Variants in UNC5D observed in about 807,000 individuals in gnomAD.
UNC5D encodes netrin receptor UNC5D.
A neutral mutation model predicts 105.4 loss-of-function variants in UNC5D; 39 were observed. The ratio of observed to expected loss-of-function variants is 0.37; its 90% CI spans 0.29 to 0.48. The LOEUF (loss-of-function observed/expected upper bound fraction) is 0.48. Ranked by LOEUF, UNC5D falls within the 20% of genes least tolerant of loss-of-function variation. The pLI, the probability that UNC5D is intolerant of heterozygous loss-of-function variation, is 0.98. For synonymous variants in UNC5D, 452 were observed against 450.4 expected, an observed-to-expected ratio of 1.00 and a Z score of -0.04; for missense variants, 991 against 1,202.4, an observed-to-expected ratio of 0.82 and a Z score of 2.60.
chr8:35,495,458 C>CAAAAAAAAAAAAAAAAAAAAAAAAAAA, intron 1 of UNC5D, among the ~76,000 whole-genome samples: 1 of 44,630 alleles, frequency 2.2e-5, no homozygotes, highest in Non-Finnish European at 3.8e-5. Flanking sequence ...ACAACAACAA[C>CAAAAAAAAAAAAAAAAAAAAAAAAAAA]AAAAAAAAAA....
intron 11 of UNC5D, among the ~76,000 whole-genome samples, chr8:35,735,053 C>T (rs548310650): frequency 2.2e-4 from 34 of 152,292 alleles, no homozygotes; most frequent in African/African-American, 7.5e-4. Flanking sequence ...GCTGGGATTA[C>T]AGGCATAAAC....
intron 4 of UNC5D, among the ~76,000 whole-genome samples, chr8:35,662,547 T>C (rs1213542914): frequency 6.6e-6 from 1 of 152,056 alleles, no homozygotes; most frequent in Non-Finnish European, 1.5e-5. Flanking sequence ...GTCGTACAGT[T>C]CCAGGATCAT....
intron 8 of UNC5D, among the ~76,000 whole-genome samples, chr8:35,716,840 G>C (rs1828274655): frequency 6.6e-6 from 1 of 151,890 alleles, no homozygotes; most frequent in Non-Finnish European, 1.5e-5. Context: ...CAAATTAAAG[G>C]AAAAAAAATG....
chr8:35,236,978 C>T (rs1325296339), intron 1 of UNC5D, among the ~76,000 whole-genome samples: 1 of 152,054 alleles, frequency 6.6e-6, no homozygotes, highest in Non-Finnish European at 1.5e-5. Flanking sequence ...CCTGAACATG[C>T]TCCGACCAGC....
intron 1 of UNC5D, among the ~76,000 whole-genome samples, chr8:35,258,304 C>A (rs945498800): frequency 6.6e-6 from 1 of 152,232 alleles, no homozygotes; most frequent in Non-Finnish European, 1.5e-5. Context: ...AAGTCTCCAC[C>A]TCTTCATATG....
chr8:35,515,405 C>T (rs1241666715), intron 1 of UNC5D, among the ~76,000 whole-genome samples: 1 of 152,186 alleles, frequency 6.6e-6, no homozygotes, highest in East Asian at 1.9e-4. Context: ...AGATTTAGGG[C>T]TGGGTGTGGT....
intron 1 of UNC5D, among the ~76,000 whole-genome samples, chr8:35,411,823 A>C (rs77964811): frequency 0.015 from 2,223 of 152,134 alleles, 71 homozygotes; most frequent in African/African-American, 0.051. Flanking sequence ...GGAAGTACCC[A>C]GAATGGTCCT....
At chr8:35,285,961 CG>C (rs1806564177) in intron 1 of UNC5D, among the ~76,000 whole-genome samples, 1 of 139,152 alleles carries the variant, frequency 7.2e-6, no homozygotes, top group Non-Finnish European at 1.6e-5. Context: ...ACATTAGAAA[CG>C]TAAGTCACAG....
intron 4 of UNC5D, among the ~76,000 whole-genome samples, chr8:35,656,859 C>G (rs1823767935): frequency 6.6e-6 from 1 of 151,858 alleles, no homozygotes; most frequent in South Asian, 2.1e-4. Flanking sequence ...CATATGCCTT[C>G]TCAGTCTTTC....
At chr8:35,783,915 C>T (rs1802620276) in intron 16 of UNC5D, among the ~76,000 whole-genome samples, 1 of 152,074 alleles carries the variant, frequency 6.6e-6, no homozygotes, top group Non-Finnish European at 1.5e-5. Flanking sequence ...TCCAAAAATC[C>T]TCAAATCTAA....
chr8:35,765,179 TC>T (rs1416515395), intron 14 of UNC5D, among the ~76,000 whole-genome samples: 2 of 152,166 alleles, frequency 1.3e-5, no homozygotes, highest in Non-Finnish European at 2.9e-5. Context: ...CTTCTGCGTT[TC>T]CTCTCCCTTC....
intron 4 of UNC5D, among the ~76,000 whole-genome samples, chr8:35,624,067 G>A (rs766327270): frequency 1.3e-5 from 2 of 151,960 alleles, no homozygotes; most frequent in Non-Finnish European, 2.9e-5. Flanking sequence ...GCGACACAGC[G>A]AGACTCCACC....
chr8:35,321,482 T>C (rs150283568), intron 1 of UNC5D, among the ~76,000 whole-genome samples: 109 of 152,258 alleles, frequency 7.2e-4, no homozygotes, highest in Admixed American at 4.1e-3. Context: ...TCTGCTGCCT[T>C]GTGGAGGAGG....
chr8:35,721,306 A>G (rs1828568605), intron 8 of UNC5D: 5 of 645,722 alleles, frequency 7.7e-6, no homozygotes, highest in African/African-American at 3.6e-5. Flanking sequence ...AGGAGCCATC[A>G]TGGATCTGCT....
At chr8:35,509,760 G>A (rs1218765977) in intron 1 of UNC5D, among the ~76,000 whole-genome samples, 2 of 151,854 alleles carry the variant, frequency 1.3e-5, no homozygotes, top group Non-Finnish European at 2.9e-5. Flanking sequence ...TTGGTGTCCT[G>A]TAATTCAGAT....
At chr8:35,488,147 C>T (rs930420578) in intron 1 of UNC5D, among the ~76,000 whole-genome samples, 1 of 152,032 alleles carries the variant, frequency 6.6e-6, no homozygotes, top group Non-Finnish European at 1.5e-5. Flanking sequence ...GAGAGCATAC[C>T]AAAGGTGGTG....
intron 1 of UNC5D, among the ~76,000 whole-genome samples, chr8:35,375,383 A>G (rs757710805): frequency 2.6e-5 from 4 of 152,158 alleles, no homozygotes; most frequent in Non-Finnish European, 4.4e-5. Context: ...GGAAGGAGAG[A>G]GAAGAAAAAG....
intron 3 of UNC5D, among the ~76,000 whole-genome samples, chr8:35,592,080 T>G (rs2130886781): frequency 6.6e-6 from 1 of 152,352 alleles, no homozygotes; most frequent in Non-Finnish European, 1.5e-5. Flanking sequence ...TGACTGATGC[T>G]GCCTGTCTTG....
intron 11 of UNC5D, among the ~76,000 whole-genome samples, chr8:35,734,616 G>A (rs1418322953): frequency 6.6e-6 from 1 of 151,910 alleles, no homozygotes; most frequent in Non-Finnish European, 1.5e-5. Flanking sequence ...CTCTATGTTG[G>A]TCAGGCTGGT....
Sources: gnomAD v4.1 joint callset for allele counts (sites outside exome capture counted in the v4.1 genomes callset) on GRCh38, gnomAD v4.1.1 for gene constraint, MANE v1.5 for transcripts, NCBI Gene and HGNC (gene_info 2026-07-23, HGNC 2026-07-21) for gene names.